PTPRT: variants seen among roughly 807,000 people sequenced by gnomAD.
PTPRT encodes protein tyrosine phosphatase receptor type T.
In PTPRT, 56 loss-of-function variants were observed where a neutral mutation model predicts 176.8. The ratio of observed to expected loss-of-function variants is 0.32; its 90% CI spans 0.26 to 0.40. The LOEUF (loss-of-function observed/expected upper bound fraction) is 0.40. Among genes scored for constraint, PTPRT ranks in the 10% least tolerant of loss-of-function variants. The probability of loss-of-function intolerance (pLI) is 1.00; values close to 1 mark genes in which losing one functional copy is unlikely to be tolerated. For synonymous variants in PTPRT, 783 were observed against 739.0 expected (o/e 1.06, Z -0.96); for missense variants, 1,540 against 1,908.2 (o/e 0.81, Z 3.60).
chr20:42,096,195 C>T (rs748231755), intron 27 of PTPRT, among the ~76,000 whole-genome samples: 6 of 152,360 alleles, frequency 3.9e-5, no homozygotes, highest in South Asian at 2.1e-4. Flanking sequence ...TTCTCCTCCC[C>T]GGTCTCCTGG....
chr20:43,050,998 T>C (rs1019669569), intron 1 of PTPRT, among the ~76,000 whole-genome samples: 2 of 152,240 alleles, frequency 1.3e-5, no homozygotes, highest in Non-Finnish European at 2.9e-5. Context: ...TTCTCTGGAA[T>C]GACAAATTGT....
At chr20:42,086,726 CAAAAAAA>C (rs367948746) in intron 27 of PTPRT, among the ~76,000 whole-genome samples, 18,175 of 82,224 alleles carry the variant, frequency 0.22, 3,319 homozygotes, top group Middle Eastern at 0.28. Context: ...GACTCCATCT[CAAAAAAA>C]AAAAAAAAAA....
intron 7 of PTPRT, among the ~76,000 whole-genome samples, chr20:42,494,547 A>G (rs1454750897): frequency 6.6e-6 from 1 of 152,146 alleles, no homozygotes; most frequent in Non-Finnish European, 1.5e-5. Flanking sequence ...TGAGCTCAGT[A>G]AAAACTCCCG....
At chr20:42,541,813 TAAAATTTTAA>T (rs966236741) in intron 7 of PTPRT, among the ~76,000 whole-genome samples, 7 of 146,772 alleles carry the variant, frequency 4.8e-5, no homozygotes, top group African/African-American at 8.2e-5. Flanking sequence ...ATTAAAATTT[TAAAATTTTAA>T]AAAATTTTAA....
intron 2 of PTPRT, among the ~76,000 whole-genome samples, chr20:42,877,910 G>C (rs754594910): frequency 1.3e-5 from 2 of 152,154 alleles, no homozygotes; most frequent in East Asian, 3.9e-4. Flanking sequence ...GGGGACCATC[G>C]ACAGTGCCTG....
At chr20:42,972,487 C>T (rs948850270) in intron 1 of PTPRT, among the ~76,000 whole-genome samples, 1 of 151,232 alleles carries the variant, frequency 6.6e-6, no homozygotes, top group Non-Finnish European at 1.5e-5. Flanking sequence ...CATGATGAAA[C>T]CCCGTCTCTA....
chr20:42,047,854 A>G, the PTPRT span, among the ~76,000 whole-genome samples: 28 of 152,264 alleles, frequency 1.8e-4, no homozygotes, highest in South Asian at 5.4e-3. Context: ...CTGACTCTGT[A>G]TTTGATACTC....
intron 1 of PTPRT, among the ~76,000 whole-genome samples, chr20:43,052,619 A>T (rs527292038): frequency 2.6e-5 from 4 of 152,270 alleles, no homozygotes; most frequent in East Asian, 1.9e-4. Context: ...TTTCCCTTTT[A>T]AAAAAATAGG....
the PTPRT span, among the ~76,000 whole-genome samples, chr20:42,033,924 A>T: frequency 6.6e-6 from 1 of 152,202 alleles, no homozygotes; most frequent in Non-Finnish European, 1.5e-5. Flanking sequence ...AATTATGAAT[A>T]AGTCCTAATT....
At chr20:42,465,512 T>A (rs1358156673) in intron 8 of PTPRT, among the ~76,000 whole-genome samples, 2 of 152,200 alleles carry the variant, frequency 1.3e-5, no homozygotes, top group African/African-American at 4.8e-5. Flanking sequence ...GTAACTGATA[T>A]GAAGTGATTT....
At chr20:42,189,485 CT>C (rs2146631712) in intron 16 of PTPRT, among the ~76,000 whole-genome samples, 1 of 152,302 alleles carries the variant, frequency 6.6e-6, no homozygotes, top group East Asian at 1.9e-4. Context: ...CCCTAAAATG[CT>C]TGGCATAGAG....
At chr20:42,586,838 T>C (rs1033319811) in intron 7 of PTPRT, among the ~76,000 whole-genome samples, 1 of 152,132 alleles carries the variant, frequency 6.6e-6, no homozygotes, top group Non-Finnish European at 1.5e-5. Flanking sequence ...CAGGGTGACC[T>C]TTTGTGGCCC....
intron 15 of PTPRT, among the ~76,000 whole-genome samples, chr20:42,201,809 G>A (rs1413000880): frequency 1.3e-5 from 2 of 150,886 alleles, no homozygotes; most frequent in African/African-American, 4.9e-5. Context: ...GTTCTCACTA[G>A]CTGAACCCAA....
intron 9 of PTPRT, among the ~76,000 whole-genome samples, chr20:42,395,846 T>TC: frequency 6.6e-6 from 1 of 152,276 alleles, no homozygotes; most frequent in Admixed American, 6.5e-5. Context: ...GGCTGATACT[T>TC]CTGTCTCATT....
chr20:42,481,777 A>C (rs967365697), intron 7 of PTPRT, among the ~76,000 whole-genome samples: 328 of 144,592 alleles, frequency 2.3e-3, no homozygotes, highest in African/African-American at 4.7e-3. Flanking sequence ...TACACACACA[A>C]ACACACACAC....
At chr20:42,704,717 T>C (rs1438243374) in intron 6 of PTPRT, among the ~76,000 whole-genome samples, 1 of 152,178 alleles carries the variant, frequency 6.6e-6, no homozygotes, top group Non-Finnish European at 1.5e-5. Context: ...CACACTGTTA[T>C]GCACCCATCA....
chr20:42,184,794 A>ATTTT (rs113419816), intron 16 of PTPRT, among the ~76,000 whole-genome samples: 1 of 139,716 alleles, frequency 7.2e-6, no homozygotes, highest in Non-Finnish European at 1.5e-5. Context: ...CACCCGGCTA[A>ATTTT]TTTTTTTTTT....
At chr20:42,824,682 T>C (rs1191050575) in intron 2 of PTPRT, among the ~76,000 whole-genome samples, 1 of 151,994 alleles carries the variant, frequency 6.6e-6, no homozygotes, top group Non-Finnish European at 1.5e-5. Context: ...AAAAATCAAA[T>C]CATTAAAATC....
At chr20:42,701,348 C>T (rs540767935) in intron 6 of PTPRT, among the ~76,000 whole-genome samples, 21 of 152,288 alleles carry the variant, frequency 1.4e-4, no homozygotes, top group Admixed American at 1.2e-3. Flanking sequence ...TAGTAACCCA[C>T]ACAACAGTAG....
Sources: allele counts gnomAD v4.1 joint callset (sites outside exome capture counted in the v4.1 genomes callset), GRCh38; gene constraint gnomAD v4.1.1; transcripts MANE v1.5; gene names NCBI Gene and HGNC (gene_info 2026-07-23, HGNC 2026-07-21).